Variants in IMPDH1 observed in about 807,000 individuals in gnomAD.
IMPDH1 encodes the protein inosine-5'-monophosphate dehydrogenase 1.
A neutral mutation model predicts 73.5 loss-of-function variants in IMPDH1; 41 were observed. The ratio of observed to expected loss-of-function variants is 0.56; its 90% CI spans 0.43 to 0.72. The LOEUF (loss-of-function observed/expected upper bound fraction) is 0.72. Among genes scored for constraint, IMPDH1 ranks in the 30% least tolerant of loss-of-function variants. The pLI is 0.00. For synonymous variants in IMPDH1, 318 were observed against 334.3 expected (o/e 0.95, Z 0.53); for missense variants, 645 against 824.8 (o/e 0.78, Z 2.67).
chr7:128,395,687 C>A (rs908436931), intron 12 of IMPDH1, among the ~76,000 whole-genome samples: 1 of 152,222 alleles, frequency 6.6e-6, no homozygotes, highest in African/African-American at 2.4e-5. Context: ...TGTCCAAGGT[C>A]CTTCAGTGTT....
In IMPDH1 at chr7:128,409,718, C is replaced by A. The variant is rs371933689; in HGVS notation, c.146+38G>T. ...CCGCCGCGCCCTCCTCGGCCGCCCG[C>A]CCCGGATGCGCCCCGCGCGCTCTGC... On this transcript the variant is annotated intron_variant, in intron 1 of 16. Coordinates refer to ENST00000338791, the MANE Select transcript of IMPDH1 (RefSeq NM_000883.4). 5.9e-6 allele frequency: 9 copies of A among 1,525,174 alleles called. No individual in the cohort carries two copies. In the African/African-American group the frequency reaches 1.1e-4, roughly 19 times the overall value. 94.5% of individuals were successfully genotyped at this position (1,525,174 alleles called of 1,614,324 possible).
chr7:128,402,292 G>A (rs907670982), intron 5 of IMPDH1, among the ~76,000 whole-genome samples: 1 of 152,148 alleles, frequency 6.6e-6, no homozygotes, highest in South Asian at 2.1e-4. Flanking sequence ...TAGTAGAGAT[G>A]GGGTTTCACC....
intron 5 of IMPDH1, among the ~76,000 whole-genome samples, chr7:128,402,237 G>A (rs1350002831): frequency 6.6e-6 from 1 of 152,082 alleles, no homozygotes; most frequent in African/African-American, 2.4e-5. Flanking sequence ...CGAGTAGCTG[G>A]GATTACAGAT....
At chr7:128,397,691 G>A (rs1458118399) in intron 10 of IMPDH1, among the ~76,000 whole-genome samples, 3 of 152,092 alleles carry the variant, frequency 2.0e-5, no homozygotes, top group African/African-American at 7.2e-5. Context: ...TTATCGGGGG[G>A]TGGGGGAGAG....
At position 128,400,399 on chromosome 7, in the gene IMPDH1, C is replaced by G. The variant is rs1487800112; in HGVS notation, c.720G>C (p.Val240=). The G allele has an allele frequency of 3.1e-6, 5 of 1,612,612 alleles. No individual in the cohort carries two copies. The highest frequency in any genetic ancestry group is 4.2e-6 in the Non-Finnish European group (5 of 1,179,846). Residue 240 remains valine, a synonymous_variant, in exon 8 of 17, where the codon GTG becomes GTC. Transcript: ENST00000338791. ...CGATGTCTCGGGAGGTGACGATGCC[C>G]ACCAGCTTGCTGCCCATGGTGCCCG... ...TETGTMGSKL[V]GIVTSRDIDF...
rs1272080349 is a variant in IMPDH1, at chr7:128,396,984, C to G, written c.1113G>C (p.Met371Ile). The part of the protein sequence containing the change: ...SQGNSVYQIA[M>I]VHYIKQKYPH... ...GGTACTTCTGTTTGATGTAATGCACCATGGCGATCTGATACACCGAATTCC... is the reference window on the plus strand; with the variant it reads ...GGTACTTCTGTTTGATGTAATGCACGATGGCGATCTGATACACCGAATTCC... The change falls in exon 11 of 17, where the codon ATG becomes ATC. Residue 371 changes from methionine (M) to isoleucine (I), a missense_variant. By Grantham distance (10) the Met-to-Ile change is conservative (BLOSUM62 1). Around this residue, in one of 2 missense-constraint regions of IMPDH1, gnomAD observed 459 missense variants for 638.2 expected, o/e 0.72. Transcript: ENST00000338791. The surrounding 1 kb of genome is among the most constrained non-coding windows in gnomAD (Gnocchi z 4.0). 1.2e-6 allele frequency: 2 copies of G among 1,614,084 alleles called. No homozygotes were observed. Among genetic ancestry groups the G allele is most frequent in the African/African-American group, 1.3e-5 (1 of 75,024 alleles).
At chr7:128,400,312 C>T (rs755457104) in intron 8 of IMPDH1, 21 bp downstream of exon 8, 1 of 1,612,358 alleles carries the variant, frequency 6.2e-7, no homozygotes. Flanking sequence ...CCCAGCCCTG[C>T]TTCCCCTGCC....
chr7:128,402,712 GT>G (rs905543550), intron 5 of IMPDH1, among the ~76,000 whole-genome samples: 22 of 148,248 alleles, frequency 1.5e-4, no homozygotes, highest in Admixed American at 4.0e-4. Flanking sequence ...GAAAAGAAAT[GT>G]TTTTTTTTTA....
Position 128,395,076 on chromosome 7 carries a change from AC to A in IMPDH1, c.1406-44del, listed in dbSNP as rs72624966. On this transcript the variant is annotated intron_variant, in intron 13 of 16. Coordinates refer to ENST00000338791, the MANE Select transcript of IMPDH1 (RefSeq NM_000883.4). ...TTAGTGCCTCCAGCCCACTAGTGCC[AC>A]CCCCCCAGCTTCCAGCCCTCGCCTG... 0.037 allele frequency: 59,404 copies of A among 1,612,738 alleles called. 2,258 individuals are homozygous for A. Among genetic ancestry groups the A allele is most frequent in the East Asian group, 0.18 (8,073 of 44,818 alleles).
Position 128,396,613 on chromosome 7 carries a change from G to A in IMPDH1, c.1248C>T (p.Cys416=). Residue 416 remains cysteine, a synonymous_variant, in exon 12 of 17, where the codon TGC becomes TGT. Transcript: ENST00000338791. The surrounding 1 kb of genome is among the most constrained non-coding windows in gnomAD (Gnocchi z 4.0). ...LRVGMGCGSI[C]ITQEVMACGR... ...CCTGACACCCACCTTCCTGGGTGAT[G>A]CAGATGGAGCCGCAGCCCATGCCCA... 1 of 1,554,328 alleles carries A rather than the reference G, an allele frequency of 6.4e-7. No homozygotes were observed.
intron 7 of IMPDH1, 55 bp downstream of exon 7, chr7:128,400,762 C>A: frequency 1.3e-6 from 2 of 1,490,488 alleles, no homozygotes; most frequent in Admixed American, 1.7e-5. Context: ...CTGGGAGGGC[C>A]TCTGAGGTGG....
rs1005796432 is a variant in IMPDH1 at position 128,392,939 on chromosome 7, G to C, written c.*68C>G. The C allele has an allele frequency of 1.3e-6, 2 of 1,504,750 alleles. No individual in the cohort carries two copies. The highest frequency in any genetic ancestry group is 2.8e-5 in the African/African-American group (2 of 72,684). The allele number at this position is 1,504,750 out of a possible 1,614,324, so 93.2% of individuals were successfully genotyped here. A position where few individuals can be genotyped will look rare whatever the true frequency, so the allele number is the denominator to read the frequency against. ...AATCTGTGGACCACTCAGTTATGGA[G>C]GGAGGCTGTGCCCAAAAGTGGACAC... On this transcript the variant is annotated 3_prime_UTR_variant, in exon 17 of 17. Transcript: ENST00000338791.
chr7:128,397,505 T>C (rs545088227), intron 10 of IMPDH1, among the ~76,000 whole-genome samples: 1 of 152,344 alleles, frequency 6.6e-6, no homozygotes, highest in East Asian at 1.9e-4. Context: ...GGTCAACTTA[T>C]GAGCCAAGAA....
chr7:128,397,084 G>C (rs914358742), intron 10 of IMPDH1, 62 bp from the exon 11 acceptor site: 47 of 1,091,970 alleles, frequency 4.3e-5, no homozygotes, highest in Non-Finnish European at 6.7e-5. Context: ...GCAGGAGGGA[G>C]AGCCTGAGTG....
Position 128,398,197 on chromosome 7 carries a change from GTGGCACGATCC to G in IMPDH1, c.1074+206_1074+216del. Among the ~76,000 whole-genome samples, 1 of 152,320 alleles carries G rather than the reference GTGGCACGATCC, an allele frequency of 6.6e-6. No individual in the cohort carries two copies. The highest frequency in any genetic ancestry group is 2.4e-5 in the African/African-American group (1 of 41,556). The stretch of plus-strand genomic sequence containing the variant: ...GTTCTGTCCCCAGGGCTGGAGTGCA[GTGGCACGATCC>G]TAGCTCACTGTGACCTTGAACCTCT... On this transcript the variant is annotated intron_variant, in intron 10 of 16. Transcript: ENST00000338791. The surrounding 1 kb of genome is among the most constrained non-coding windows in gnomAD (Gnocchi z 4.3).
At chr7:128,400,034 C>A in intron 9 of IMPDH1, 61 bp downstream of exon 9, 1 of 1,307,518 alleles carries the variant, frequency 7.6e-7, no homozygotes, top group Non-Finnish European at 1.1e-6. Flanking sequence ...TGTGAAGGAA[C>A]AACGGGACTG....
At chr7:128,400,277 C>T in intron 8 of IMPDH1, 56 bp downstream of exon 8, 5 of 1,598,676 alleles carry the variant, frequency 3.1e-6, no homozygotes, top group African/African-American at 1.3e-5. Flanking sequence ...CAGTCTGAGG[C>T]CCCAGCGTGA....
rs1798072932 is a variant in IMPDH1 at position 128,398,348 on chromosome 7, C to T, written c.1074+66G>A. The stretch of plus-strand genomic sequence containing the variant: ...GGCTTAATCAGAGGTGAACCTGGGT[C>T]CTCATAAACCTCCACTCTGCTGAAC... On this transcript the variant is annotated intron_variant, in intron 10 of 16. Coordinates refer to ENST00000338791, the MANE Select transcript of IMPDH1 (RefSeq NM_000883.4). The surrounding 1 kb of genome is among the most constrained non-coding windows in gnomAD (Gnocchi z 4.3). 1 of 1,316,240 alleles carries T rather than the reference C, an allele frequency of 7.6e-7. No homozygotes were observed. The highest frequency in any genetic ancestry group is 1.2e-5 in the South Asian group (1 of 83,968). The allele number at this position is 1,316,240 out of a possible 1,614,324, so 81.5% of individuals were successfully genotyped here. A position where few individuals can be genotyped will look rare whatever the true frequency, so the allele number is the denominator to read the frequency against.
chr7:128,409,709 G>C, intron 1 of IMPDH1, 47 bp downstream of exon 1: 1 of 1,524,118 alleles, frequency 6.6e-7, no homozygotes, highest in Non-Finnish European at 8.8e-7. Context: ...CGCCCTCCTC[G>C]GCCGCCCGCC....
Sources: allele counts gnomAD v4.1 joint callset (sites outside exome capture counted in the v4.1 genomes callset), GRCh38; gene constraint gnomAD v4.1.1; regional missense constraint gnomAD v4.1.1; non-coding constraint Gnocchi (gnomAD v3.1); transcripts MANE v1.5; gene names NCBI Gene and HGNC (gene_info 2026-07-23, HGNC 2026-07-21).